FAT4: variants seen among roughly 807,000 people sequenced by gnomAD.
FAT4 encodes protocadherin Fat 4.
FAT4 carries 84 observed loss-of-function variants against 303.9 expected under a neutral mutation model. The observed-to-expected ratio is 0.28, with a 90% CI of 0.23 to 0.33. FAT4 has a LOEUF of 0.33. FAT4 is among the 10% of genes least tolerant of loss of function. The pLI is 1.00. For synonymous variants in FAT4, 2,307 were observed against 2,298.8 expected, an observed-to-expected ratio of 1.00 and a Z score of -0.10; for missense variants, 6,005 against 6,146.8, an observed-to-expected ratio of 0.98 and a Z score of 0.77.
At chr4:125,404,388 TG>T (rs1486554533) in intron 3 of FAT4, among the ~76,000 whole-genome samples, 2 of 152,160 alleles carry the variant, frequency 1.3e-5, no homozygotes, top group Admixed American at 1.3e-4. Flanking sequence ...GAGGCAAAGT[TG>T]TGTTATATTT....
At chr4:125,375,706 G>A (rs978690610) in intron 2 of FAT4, among the ~76,000 whole-genome samples, 1 of 152,102 alleles carries the variant, frequency 6.6e-6, no homozygotes, top group African/African-American at 2.4e-5. Flanking sequence ...GATGTCATCC[G>A]TAAATGCATT....
At chr4:125,413,136 G>A (rs576931488) in intron 5 of FAT4, among the ~76,000 whole-genome samples, 15 of 151,482 alleles carry the variant, frequency 9.9e-5, no homozygotes, top group East Asian at 9.6e-4. Flanking sequence ...GTATATTTAC[G>A]TTGTAATGAA....
chr4:125,334,062 A>T (rs892443312), intron 2 of FAT4, among the ~76,000 whole-genome samples: 6 of 152,190 alleles, frequency 3.9e-5, no homozygotes, highest in Non-Finnish European at 8.8e-5. Flanking sequence ...CATATAACAC[A>T]CTTAGTTGGC....
intron 6 of FAT4, 84 bp from the exon 7 acceptor site, chr4:125,416,364 C>T: frequency 8.3e-7 from 1 of 1,209,392 alleles, no homozygotes; most frequent in Non-Finnish European, 1.2e-6. Context: ...CATAGTTTTA[C>T]CTCATTTTTT....
chr4:125,344,554 C>T (rs1731925131), intron 2 of FAT4, among the ~76,000 whole-genome samples: 1 of 152,008 alleles, frequency 6.6e-6, no homozygotes, highest in Non-Finnish European at 1.5e-5. Context: ...ACCTGAATTG[C>T]TAAATATAAA....
At chr4:125,410,326 G>A (rs150690410) in intron 5 of FAT4, among the ~76,000 whole-genome samples, 1 of 152,176 alleles carries the variant, frequency 6.6e-6, no homozygotes, top group African/African-American at 2.4e-5. Context: ...ACTGACATCT[G>A]CCAAGTGTTT....
chr4:125,451,362 A>G lies in FAT4; in HGVS notation c.10352A>G (p.Glu3451Gly), dbSNP rs1362703654. ...TCTTACTTCATCGGATCAGGGAATG[A>G]AAATGGTGCCTTTTCTATTAATCCG... ...RFSYFIGSGN[E>G]NGAFSINPQT... is the part of the protein sequence containing the mutation. Residue 3451 changes from glutamate (E) to glycine (G), a missense_variant, in exon 10 of 18, where the codon GAA becomes GGA. Transcript: ENST00000394329. 6.2e-7 allele frequency: 1 copy of G among 1,614,130 alleles called. No homozygotes were observed. The highest frequency in any genetic ancestry group is 8.5e-7 in the Non-Finnish European group (1 of 1,180,010).
chr4:125,435,590 G>T (rs1167497358), intron 8 of FAT4, among the ~76,000 whole-genome samples: 1 of 152,086 alleles, frequency 6.6e-6, no homozygotes, highest in Non-Finnish European at 1.5e-5. Context: ...CACAATACTT[G>T]GTCTCTCTAA....
chr4:125,393,821 C>T, intron 2 of FAT4: 1 of 585,450 alleles, frequency 1.7e-6, no homozygotes. Flanking sequence ...GTTATTAGCT[C>T]CTTTAATCTC....
At chr4:125,471,777 C>A (rs951075951) in intron 12 of FAT4, among the ~76,000 whole-genome samples, 4 of 150,950 alleles carry the variant, frequency 2.6e-5, no homozygotes, top group South Asian at 2.1e-4. Flanking sequence ...GGTGGCCAGG[C>A]GGGGTGGCTC....
chr4:125,490,452 A>G lies in FAT4; in HGVS notation c.13636A>G (p.Lys4546Glu). ...AAATCCCAAAGAGGAGAAGAAACCG[A>G]AGGAGAAGAAGAAAAAGGGAAGTGA... ...AKNPKEEKKP[K>E]EKKKKGSENV... The change falls in exon 18 of 18, where the codon AAG becomes GAG. Residue 4546 changes from lysine to glutamate, a missense_variant. Lys to Glu is a moderately conservative substitution (Grantham distance 56, BLOSUM62 1). Transcript: ENST00000394329. The G allele has an allele frequency of 6.2e-7, 1 of 1,614,140 alleles. No individual in the cohort carries two copies. Among genetic ancestry groups the G allele is most frequent in the Non-Finnish European group, 8.5e-7 (1 of 1,180,030 alleles).
At chr4:125,453,965 A>T (rs1560619262) in intron 10 of FAT4, among the ~76,000 whole-genome samples, 3 of 152,202 alleles carry the variant, frequency 2.0e-5, no homozygotes. Flanking sequence ...TTAGTTAATC[A>T]GTGGTTGATG....
In FAT4 at chr4:125,317,186, G is replaced by A. The variant is rs945517445; in HGVS notation, c.775G>A (p.Val259Met). 6.3e-7 allele frequency: 1 copy of A among 1,597,622 alleles called. No homozygotes were observed. Among genetic ancestry groups the A allele is most frequent in the Non-Finnish European group, 8.6e-7 (1 of 1,169,182 alleles). ...VFGSSHYQAG[V>M]PEDAVVGSSV... ...TGGCAGTTCTCACTACCAGGCGGGG[G>A]TGCCTGAGGACGCGGTTGTGGGTTC... The change falls in exon 2 of 18, where the codon GTG (valine) becomes ATG (methionine). Residue 259 changes from valine (V) to methionine (M), a missense_variant. Coordinates refer to ENST00000394329, the MANE Select transcript of FAT4 (RefSeq NM_001291303.3). This position sits in a 1 kb window ranked among gnomAD's most constrained non-coding sequence, Gnocchi z 7.0.
At chr4:125,465,956 T>C (rs962355343) in intron 11 of FAT4, among the ~76,000 whole-genome samples, 1 of 152,160 alleles carries the variant, frequency 6.6e-6, no homozygotes, top group Non-Finnish European at 1.5e-5. Flanking sequence ...CAAATAACCA[T>C]GTCAGATGGC....
Position 125,390,278 on chromosome 4 carries a change from C to T in FAT4, c.5176-8506C>T, listed in dbSNP as rs1037397330. On this transcript the variant is annotated intron_variant, in intron 2 of 17. Coordinates refer to ENST00000394329, the MANE Select transcript of FAT4 (RefSeq NM_001291303.3). ...TCATAGAGTGTTTCTTTACACATCA[C>T]CCTGATGCGGTCATACTGAGTTGTC... Among the ~76,000 whole-genome samples, 5 of 152,102 alleles carry T rather than the reference C, an allele frequency of 3.3e-5. No individual in the cohort carries two copies. The East Asian group carries it at 9.6e-4, about 29-fold the overall frequency.
chr4:125,476,389 C>T, intron 13 of FAT4, 133 bp downstream of exon 13: 1 of 365,528 alleles, frequency 2.7e-6, no homozygotes, highest in East Asian at 4.3e-5. Context: ...TCCAAATTTT[C>T]ATAATATAAA....
intron 16 of FAT4, among the ~76,000 whole-genome samples, chr4:125,486,994 C>A (rs1174594007): frequency 1.3e-5 from 2 of 152,048 alleles, no homozygotes; most frequent in African/African-American, 4.8e-5. Context: ...TAACACACTC[C>A]AATGGCAGGT....
chr4:125,440,093 C>CT (rs944145648), intron 8 of FAT4, among the ~76,000 whole-genome samples: 8 of 152,038 alleles, frequency 5.3e-5, no homozygotes, highest in Admixed American at 6.6e-5. Flanking sequence ...CTCATATCAT[C>CT]TTTTTTACTC....
At chr4:125,334,291 C>A (rs1031530408) in intron 2 of FAT4, among the ~76,000 whole-genome samples, 8 of 152,134 alleles carry the variant, frequency 5.3e-5, no homozygotes, top group African/African-American at 1.9e-4. Context: ...AAGATGAAGC[C>A]TTTGGACCCC....
Sources: gnomAD v4.1 joint callset for allele counts (sites outside exome capture counted in the v4.1 genomes callset) on GRCh38, gnomAD v4.1.1 for gene constraint, Gnocchi (gnomAD v3.1) non-coding constraint, MANE v1.5 for transcripts, NCBI Gene and HGNC (gene_info 2026-07-23, HGNC 2026-07-21) for gene names.